Variants in DIPK1A observed in about 807,000 individuals in gnomAD.
DIPK1A encodes the protein family with sequence similarity 69 member A.
Under a neutral mutation model 40.8 loss-of-function variants are expected in DIPK1A, and 27 were observed. The ratio of observed to expected loss-of-function variants is 0.66; its 90% confidence interval spans 0.49 to 0.91. The LOEUF (loss-of-function observed/expected upper bound fraction) is 0.91. DIPK1A is among the 40% of genes least tolerant of loss of function. The pLI is 0.00. For missense variants in DIPK1A, 412 were observed against 505.7 expected (o/e 0.81, Z 1.78); for synonymous variants, 166 against 171.3 (o/e 0.97, Z 0.24).
intron 1 of DIPK1A, among the ~76,000 whole-genome samples, chr1:92,945,170 GA>G (rs1571147013): frequency 6.6e-6 from 1 of 150,532 alleles, no homozygotes; most frequent in Non-Finnish European, 1.5e-5. Context: ...CTGGTAAGAA[GA>G]AAAAAAAGAA....
At chr1:92,853,938 G>A (rs1687903062) in intron 2 of DIPK1A, among the ~76,000 whole-genome samples, 1 of 152,144 alleles carries the variant, frequency 6.6e-6, no homozygotes, top group Admixed American at 6.5e-5. Context: ...CCAGACTGGA[G>A]TGCAATGGCA....
downstream of DIPK1A, chr1:92,841,884 A>AT (rs776722162): frequency 1.4e-5 from 22 of 1,565,328 alleles, no homozygotes; most frequent in South Asian, 5.6e-5. Context: ...ATTTTCTATG[A>AT]TTTTTTCAGA....
intron 1 of DIPK1A, among the ~76,000 whole-genome samples, chr1:92,936,754 C>G (rs1446482649): frequency 6.6e-6 from 1 of 152,180 alleles, no homozygotes; most frequent in Non-Finnish European, 1.5e-5. Context: ...GACCCTTTAT[C>G]TATTGCTTTA....
intron 3 of DIPK1A, among the ~76,000 whole-genome samples, chr1:92,850,559 T>C (rs1244630639): frequency 1.3e-5 from 2 of 152,162 alleles, no homozygotes; most frequent in African/African-American, 4.8e-5. Context: ...TGTGAGCCTG[T>C]AGTCCCAGCT....
At chr1:92,885,371 TAATTC>T (rs1156963529) in intron 1 of DIPK1A, among the ~76,000 whole-genome samples, 2 of 152,148 alleles carry the variant, frequency 1.3e-5, no homozygotes, top group African/African-American at 4.8e-5. Flanking sequence ...AGTGACTATC[TAATTC>T]ATTTTTTTTT....
At chr1:92,935,535 G>A (rs1299614112) in intron 1 of DIPK1A, among the ~76,000 whole-genome samples, 3 of 152,106 alleles carry the variant, frequency 2.0e-5, no homozygotes, top group South Asian at 4.2e-4. Context: ...TGGAATCAAG[G>A]TCACAAGACC....
At chr1:92,853,397 C>T (rs1379684304) in intron 2 of DIPK1A, among the ~76,000 whole-genome samples, 1 of 152,166 alleles carries the variant, frequency 6.6e-6, no homozygotes, top group Non-Finnish European at 1.5e-5. Flanking sequence ...AATAAGTTAT[C>T]CTTTGAGCAT....
chr1:92,872,276 T>G (rs1357614465), intron 2 of DIPK1A, among the ~76,000 whole-genome samples: 1 of 151,760 alleles, frequency 6.6e-6, no homozygotes, highest in Non-Finnish European at 1.5e-5. Context: ...GAGACAGGTT[T>G]TTGCTATGTT....
At chr1:92,946,001 T>G (rs1196938838) in intron 1 of DIPK1A, among the ~76,000 whole-genome samples, 1 of 152,170 alleles carries the variant, frequency 6.6e-6, no homozygotes, top group Non-Finnish European at 1.5e-5. Context: ...CAAGCATGAT[T>G]TCTAAATACA....
intron 1 of DIPK1A, among the ~76,000 whole-genome samples, chr1:92,924,396 T>C (rs1383663337): frequency 6.6e-6 from 1 of 152,114 alleles, no homozygotes; most frequent in East Asian, 1.9e-4. Context: ...ATGGTATCCT[T>C]GCCTGTGTAG....
chr1:92,912,562 C>T (rs1319175762), intron 1 of DIPK1A, among the ~76,000 whole-genome samples: 1 of 151,866 alleles, frequency 6.6e-6, no homozygotes, highest in East Asian at 1.9e-4. Context: ...TGTTAGATAC[C>T]TATAAAAAAC....
intron 1 of DIPK1A, among the ~76,000 whole-genome samples, chr1:92,915,335 C>T (rs1650011636): frequency 6.6e-6 from 1 of 152,118 alleles, no homozygotes; most frequent in African/African-American, 2.4e-5. Flanking sequence ...ACTTCAGATC[C>T]ATGAGCGAGT....
intron 2 of DIPK1A, among the ~76,000 whole-genome samples, chr1:92,872,884 A>G (rs930204804): frequency 6.6e-6 from 1 of 152,212 alleles, no homozygotes; most frequent in African/African-American, 2.4e-5. Flanking sequence ...AGGCTTTCCA[A>G]TGAGGTTTTT....
At chr1:92,834,917 T>C (rs1411462713) in intron 4 of DIPK1A, 2 of 1,600,378 alleles carry the variant, frequency 1.2e-6, no homozygotes, top group Non-Finnish European at 1.7e-6. Flanking sequence ...CCGCAGGGTA[T>C]GTACAAGATG....
downstream of DIPK1A, chr1:92,840,473 C>A: frequency 9.6e-7 from 1 of 1,047,008 alleles, no homozygotes; most frequent in South Asian, 1.3e-5. Flanking sequence ...CTTAGAAGGA[C>A]AAGATAAGTT....
intron 1 of DIPK1A, chr1:92,876,875 T>C: frequency 2.0e-6 from 1 of 503,180 alleles, no homozygotes; most frequent in Non-Finnish European, 2.6e-6. Flanking sequence ...GAACAGAAAA[T>C]CTGGCTATTT....
chr1:92,842,044 GA>G, downstream of DIPK1A: 1 of 808,492 alleles, frequency 1.2e-6, no homozygotes, highest in Non-Finnish European at 1.8e-6. Flanking sequence ...AACTTTTTAA[GA>G]AAAAAAGTTG....
rs781353827 is a variant in DIPK1A at position 92,834,846 on chromosome 1, A to G, written c.475-1812T>C. ...GCGTATGCACACGAACTGCCAAAATATGGTGTGAAGGTTGGCCTGACAAAT... is the reference window on the plus strand; with the variant it reads ...GCGTATGCACACGAACTGCCAAAATGTGGTGTGAAGGTTGGCCTGACAAAT... On this transcript the variant is annotated intron_variant, in intron 4 of 4. Coordinates refer to the DIPK1A transcript ENST00000615519. 6.2e-7 allele frequency: 1 copy of G among 1,609,458 alleles called. No homozygotes were observed. The highest frequency in any genetic ancestry group is 1.1e-5 in the South Asian group (1 of 91,080).
downstream of DIPK1A, among the ~76,000 whole-genome samples, chr1:92,839,027 G>A (rs189162117): frequency 7.5e-3 from 1,075 of 143,138 alleles, 5 homozygotes; most frequent in Admixed American, 0.013. Context: ...TCAGAGAGTT[G>A]CAGCTTTTTT....
Sources: allele counts gnomAD v4.1 joint callset (sites outside exome capture counted in the v4.1 genomes callset), GRCh38; gene constraint gnomAD v4.1.1; transcripts MANE v1.5; gene names NCBI Gene and HGNC (gene_info 2026-07-23, HGNC 2026-07-21).